UBA6: variants seen among roughly 807,000 people sequenced by gnomAD.
UBA6 encodes ubiquitin-like modifier-activating enzyme 6.
Under a neutral mutation model 148.3 loss-of-function variants are expected in UBA6, and 87 were observed. The ratio of observed to expected loss-of-function variants is 0.59; its 90% CI spans 0.49 to 0.70. The LOEUF (loss-of-function observed/expected upper bound fraction) is 0.70. Among genes scored for constraint, UBA6 ranks in the 30% least tolerant of loss-of-function variants. The pLI is 0.00. For missense variants in UBA6, 1,186 were observed against 1,241.2 expected (o/e 0.96, Z 0.67); for synonymous variants, 376 against 401.0 (o/e 0.94, Z 0.75).
Position 67,618,906 on chromosome 4 carries a change from T to C in UBA6, c.*91A>G, listed in dbSNP as rs145322042. On this transcript the variant is annotated 3_prime_UTR_variant, in exon 33 of 33. Transcript: ENST00000322244. The stretch of plus-strand genomic sequence containing the variant: ...TAAGGCTTAATGAAAGAGAAATCCA[T>C]AGTATTATGAACTGATTTTCTTTAG... 2 of 1,260,142 alleles carry C rather than the reference T, an allele frequency of 1.6e-6. No homozygotes were observed. Among genetic ancestry groups the C allele is most frequent in the Non-Finnish European group, 2.2e-6 (2 of 907,584 alleles). The allele number at this position is 1,260,142 out of a possible 1,614,324, so 78.1% of individuals were successfully genotyped here. A position where few individuals can be genotyped will look rare whatever the true frequency, so the allele number is the denominator to read the frequency against.
At chr4:67,699,752 T>C (rs7657708) in intron 1 of UBA6, among the ~76,000 whole-genome samples, 57,957 of 151,836 alleles carry the variant, frequency 0.38, 11,182 homozygotes, top group Middle Eastern at 0.51. Flanking sequence ...CAGGCGTGCA[T>C]CACCTACGCC....
chr4:67,694,965 C>T (rs1449154083), intron 2 of UBA6, among the ~76,000 whole-genome samples: 2 of 152,282 alleles, frequency 1.3e-5, no homozygotes, highest in South Asian at 4.1e-4. Context: ...ATAATAACAG[C>T]TAAACTGCTA....
chr4:67,639,001 T>A lies in UBA6; in HGVS notation c.1678A>T (p.Lys560Ter), dbSNP rs1475005421. The change falls in exon 19 of 33, where the codon AAA becomes TAA. Residue 560 changes from lysine to a stop codon, truncating the protein, a stop_gained. Transcript: ENST00000322244. LOFTEE classifies it high-confidence loss of function. ...AATGCTGTAATAATTACATCTTGTT[T>A]AGTATAGAACTCATCATTGTAAATG... Reference protein sequence around the residue: ...ETIYNDEFYTKQDVIITALDN... With the variant: ...ETIYNDEFYT 1 of 1,610,670 alleles carries A rather than the reference T, an allele frequency of 6.2e-7. No homozygotes were observed. The highest frequency in any genetic ancestry group is 8.5e-7 in the Non-Finnish European group (1 of 1,177,970).
intron 32 of UBA6, among the ~76,000 whole-genome samples, chr4:67,621,085 T>C (rs976534289): frequency 6.6e-6 from 1 of 152,194 alleles, no homozygotes; most frequent in African/African-American, 2.4e-5. Flanking sequence ...GCCGCAAATT[T>C]TAAACTCCAC....
intron 32 of UBA6, among the ~76,000 whole-genome samples, chr4:67,619,985 T>G (rs761655292): frequency 6.6e-6 from 1 of 152,220 alleles, no homozygotes; most frequent in Non-Finnish European, 1.5e-5. Flanking sequence ...CTAATAATTT[T>G]ATCATACACT....
chr4:67,689,524 A>C (rs1374406153), intron 2 of UBA6, among the ~76,000 whole-genome samples: 1 of 152,098 alleles, frequency 6.6e-6, no homozygotes, highest in Non-Finnish European at 1.5e-5. Context: ...AGAAAAGAGA[A>C]ATGTTTGTTT....
chr4:67,622,710 G>A, intron 32 of UBA6, 121 bp downstream of exon 32: 1 of 663,844 alleles, frequency 1.5e-6, no homozygotes. Context: ...CTTTATTAAT[G>A]TCATTAGACA....
chr4:67,633,320 T>C, intron 23 of UBA6, 25 bp downstream of exon 23: 1 of 1,552,084 alleles, frequency 6.4e-7, no homozygotes, highest in Non-Finnish European at 8.6e-7. Flanking sequence ...AGACCTTTTC[T>C]TAATGTCTCA....
chr4:67,658,653 T>C (rs989759583), intron 13 of UBA6, among the ~76,000 whole-genome samples: 2 of 152,084 alleles, frequency 1.3e-5, no homozygotes, highest in African/African-American at 4.8e-5. Context: ...TTTACCTATA[T>C]AACAAACTTG....
chr4:67,665,847 G>A (rs1729983460), intron 9 of UBA6, among the ~76,000 whole-genome samples: 1 of 152,104 alleles, frequency 6.6e-6, no homozygotes, highest in Admixed American at 6.6e-5. Context: ...TAATTTCTCA[G>A]ATAAAAGCAT....
chr4:67,626,319 C>A, intron 28 of UBA6, 41 bp downstream of exon 28: 2 of 1,252,436 alleles, frequency 1.6e-6, no homozygotes, highest in South Asian at 2.4e-5. Flanking sequence ...AAAATAAAAA[C>A]TCATCCAGTT....
At position 67,619,088 on chromosome 4, in the gene UBA6, T is replaced by G; in HGVS notation, c.3068A>C (p.Asp1023Ala). Residue 1023 changes from aspartate (D) to alanine (A), a missense_variant, in exon 33 of 33, where the codon GAT (aspartate) becomes GCT (alanine). Asp to Ala is a moderately radical substitution (Grantham distance 126). Transcript: ENST00000322244. ...VKPTTEKKYVDLTVSFAPDID... is the reference protein window; with the variant it reads ...VKPTTEKKYVALTVSFAPDID... ...GTCTGGAGCAAATGACACAGTAAGA[T>G]CCACATATTTCTTTTCAGTAGTAGG... 3 of 1,611,684 alleles carry G rather than the reference T, an allele frequency of 1.9e-6. No homozygotes were observed. Among genetic ancestry groups the G allele is most frequent in the Non-Finnish European group, 2.5e-6 (3 of 1,177,912 alleles).
chr4:67,684,187 T>C lies in UBA6; in HGVS notation c.135-1974A>G, dbSNP rs527239734. On this transcript the variant is annotated intron_variant, in intron 2 of 32. Coordinates refer to ENST00000322244, the MANE Select transcript of UBA6 (RefSeq NM_018227.6). ...TCTCTGCAATTTCACAACCTGGCTGTGCAGGCTTGGTCTTTAGAAGGGCAT... is the reference window on the plus strand; with the variant it reads ...TCTCTGCAATTTCACAACCTGGCTGCGCAGGCTTGGTCTTTAGAAGGGCAT... 2.4e-3 allele frequency among the ~76,000 whole-genome samples: 361 copies of C among 152,348 alleles called. 2 individuals are homozygous for C. The highest frequency in any genetic ancestry group is 8.0e-3 in the African/African-American group (332 of 41,572).
intron 2 of UBA6, among the ~76,000 whole-genome samples, chr4:67,685,959 A>G (rs1730548858): frequency 6.6e-6 from 1 of 152,184 alleles, no homozygotes. Context: ...GTACCAAGTA[A>G]TATGTCAGGT....
At chr4:67,633,314 CT>C in intron 23 of UBA6, 30 bp downstream of exon 23, 1 of 1,536,234 alleles carries the variant, frequency 6.5e-7, no homozygotes. Context: ...AAGATCAGAC[CT>C]TTTCTTAATG....
chr4:67,660,671 G>T (rs1051211692), intron 13 of UBA6, among the ~76,000 whole-genome samples: 2 of 152,190 alleles, frequency 1.3e-5, no homozygotes, highest in Non-Finnish European at 2.9e-5. Context: ...ATAATGTGGG[G>T]TTGGAGCCCC....
At chr4:67,660,248 A>C (rs1729815706) in intron 13 of UBA6, among the ~76,000 whole-genome samples, 1 of 152,264 alleles carries the variant, frequency 6.6e-6, no homozygotes, top group South Asian at 2.1e-4. Flanking sequence ...ATAAATAACA[A>C]GCAGCCAAAT....
chr4:67,691,110 T>A (rs1439610236), intron 2 of UBA6, among the ~76,000 whole-genome samples: 1 of 152,012 alleles, frequency 6.6e-6, no homozygotes, highest in East Asian at 1.9e-4. Flanking sequence ...ATAAATATAC[T>A]GAAAATTTTT....
chr4:67,618,896 G>A lies in UBA6; in HGVS notation c.*101C>T. 8.4e-7 allele frequency: 1 copy of A among 1,191,990 alleles called. No homozygotes were observed. Among genetic ancestry groups the A allele is most frequent in the Non-Finnish European group, 1.2e-6 (1 of 856,050 alleles). The allele number at this position is 1,191,990 out of a possible 1,614,324, so 73.8% of individuals were successfully genotyped here. ...CCCTTAAAATTAAGGCTTAATGAAA[G>A]AGAAATCCATAGTATTATGAACTGA... On this transcript the variant is annotated 3_prime_UTR_variant, in exon 33 of 33. Coordinates refer to ENST00000322244, the MANE Select transcript of UBA6 (RefSeq NM_018227.6).
Sources: gnomAD v4.1 joint callset for allele counts (sites outside exome capture counted in the v4.1 genomes callset) on GRCh38, gnomAD v4.1.1 for gene constraint, MANE v1.5 for transcripts, NCBI Gene and HGNC (gene_info 2026-07-23, HGNC 2026-07-21) for gene names.